The following MADD variants were observed in gnomAD, a reference collection of about 807,000 sequenced individuals.
MADD encodes the protein MAP kinase activating death domain.
Under a neutral mutation model 176.7 loss-of-function variants are expected in MADD, and 109 were observed. The observed-to-expected ratio is 0.62, with a 90% CI of 0.53 to 0.72. The LOEUF is 0.72. Ranked by LOEUF, MADD falls within the 30% of genes least tolerant of loss-of-function variation. The pLI is 0.00. For synonymous variants in MADD, 771 were observed against 771.3 expected (o/e 1.00, Z 0.01); for missense variants, 1,914 against 2,045.5 (o/e 0.94, Z 1.24).
intron 22 of MADD, among the ~76,000 whole-genome samples, chr11:47,298,574 G>A (rs2075037420): frequency 6.6e-6 from 1 of 152,084 alleles, no homozygotes; most frequent in Non-Finnish European, 1.5e-5. Flanking sequence ...TGTATATTCT[G>A]GCTATTAATC....
intron 21 of MADD, 67 bp from the exon 24 acceptor site, chr11:47,295,830 C>CT: frequency 6.4e-7 from 1 of 1,556,446 alleles, no homozygotes; most frequent in East Asian, 2.3e-5. Context: ...GCAGGGAGCT[C>CT]TAACAGCTTG....
chr11:47,324,451 A>G lies in MADD; in HGVS notation c.4436-20A>G, dbSNP rs200853891. On this transcript the variant is annotated intron_variant, in intron 29 of 32. Transcript: ENST00000402192. Reference sequence around the variant, plus strand: ...TTCCCCACCTCACCAGTGAGCTGATAGCCCCCTCCCTCACCACAGGACCTG... The same window carrying G: ...TTCCCCACCTCACCAGTGAGCTGATGGCCCCCTCCCTCACCACAGGACCTG... 7 of 1,606,066 alleles carry G rather than the reference A, an allele frequency of 4.4e-6. No homozygotes were observed. The highest frequency in any genetic ancestry group is 2.2e-5 in the East Asian group (1 of 44,832).
At chr11:47,285,488 G>T in exon 14 of MADD, 1 of 1,614,162 alleles carries the variant, frequency 6.2e-7, no homozygotes, top group Non-Finnish European at 8.5e-7. Context: ...CTTGAGACTG[G>T]CAAGTGACTC....
chr11:47,285,145 CA>C lies in MADD; in HGVS notation c.2363del (p.Gln788ArgfsTer27), dbSNP rs2059709896. ...TCCCCCTGAGGAAGATGAGGATGAGCAGGGGGAAAGTTACACTCCCCGATTC... is the reference window on the plus strand; with the variant it reads ...TCCCCCTGAGGAAGATGAGGATGAGCGGGGGAAAGTTACACTCCCCGATTC... On this transcript the variant is annotated frameshift_variant, in exon 13 of 33. Transcript: ENST00000402192. LOFTEE classifies it high-confidence loss of function. 1 of 1,614,006 alleles carries C rather than the reference CA, an allele frequency of 6.2e-7. No individual in the cohort carries two copies. Among genetic ancestry groups the C allele is most frequent in the Non-Finnish European group, 8.5e-7 (1 of 1,180,018 alleles).
At chr11:47,309,668 T>TA in intron 25 of MADD, 56 bp downstream of exon 28, 1 of 1,360,204 alleles carries the variant, frequency 7.4e-7, no homozygotes, top group Non-Finnish European at 1.1e-6. Context: ...CAAGGCTTGT[T>TA]CCTGTCGCCT....
In MADD at chr11:47,297,595, C is replaced by T. The variant is rs554633585; in HGVS notation, c.3642+1540C>T. Reference sequence around the variant, plus strand: ...CCAAGTAGCTGGGACTACGGGTGCCCGCCACCACGCCCAGCTAATTTTTTG... The same window carrying T: ...CCAAGTAGCTGGGACTACGGGTGCCTGCCACCACGCCCAGCTAATTTTTTG... On this transcript the variant is annotated intron_variant, in intron 22 of 32. Coordinates refer to ENST00000402192, the Ensembl canonical transcript of MADD. 3.5e-3 allele frequency among the ~76,000 whole-genome samples: 535 copies of T among 151,188 alleles called. 2 individuals carry two copies. Among genetic ancestry groups the T allele is most frequent in the Middle Eastern group, 6.8e-3 (2 of 294 alleles).
At chr11:47,306,121 C>G (rs1422486440) in intron 22 of MADD, among the ~76,000 whole-genome samples, 4 of 152,172 alleles carry the variant, frequency 2.6e-5, no homozygotes, top group Admixed American at 2.6e-4. Flanking sequence ...CCTGACTGCT[C>G]TGAGCAGTCT....
In MADD at chr11:47,291,519, C is replaced by T. The variant is rs2065276010; in HGVS notation, c.3301+703C>T. Among the ~76,000 whole-genome samples the T allele has an allele frequency of 2.0e-5, 3 of 152,170 alleles. No homozygotes were observed. The South Asian group carries it at 6.2e-4, about 32-fold the overall frequency. On this transcript the variant is annotated intron_variant, in intron 19 of 32. Transcript: ENST00000402192. ...TCTAGGTCCCTAGGCACTCTGCTTCCAGCTGACATCTCATTGCCATGGCCA... is the reference window on the plus strand; with the variant it reads ...TCTAGGTCCCTAGGCACTCTGCTTCTAGCTGACATCTCATTGCCATGGCCA...
In MADD at chr11:47,311,715, A is replaced by G. The variant is rs1466353909; in HGVS notation, c.3979-17A>G. 1 of 1,499,014 alleles carries G rather than the reference A, an allele frequency of 6.7e-7. No individual in the cohort carries two copies. Among genetic ancestry groups the G allele is most frequent in the East Asian group, 2.3e-5 (1 of 44,358 alleles). The allele number at this position is 1,499,014 out of a possible 1,614,324, so 92.9% of individuals were successfully genotyped here. On this transcript the variant is annotated splice_polypyrimidine_tract_variant and intron_variant, in intron 25 of 32. Coordinates refer to ENST00000402192, the Ensembl canonical transcript of MADD. ...GAGAGCAGATCCCTTGTTAAGAGTC[A>G]TGTGTTGGCTTTTCAGGTAAATAAG...
At chr11:47,286,779 C>T (rs573934433) in intron 15 of MADD, among the ~76,000 whole-genome samples, 2 of 152,164 alleles carry the variant, frequency 1.3e-5, no homozygotes, top group Non-Finnish European at 2.9e-5. Context: ...ACTGCTGCTT[C>T]GCGGGAGGAC....
chr11:47,278,573 G>GTA (rs58649852), intron 6 of MADD, among the ~76,000 whole-genome samples: 5,090 of 152,206 alleles, frequency 0.033, 118 homozygotes, highest in South Asian at 0.12. Flanking sequence ...ATTACATGTG[G>GTA]TATAGATCAT....
intron 19 of MADD, among the ~76,000 whole-genome samples, 166 bp from the exon 22 acceptor site, chr11:47,293,717 C>T (rs1006587921): frequency 1.3e-5 from 2 of 152,170 alleles, no homozygotes; most frequent in Non-Finnish European, 2.9e-5. Flanking sequence ...CTTAAGGCAT[C>T]TGGGGTCCTC....
At chr11:47,324,510 A>G (rs751187509) in exon 30 of MADD, 1 of 1,614,138 alleles carries the variant, frequency 6.2e-7, no homozygotes, top group East Asian at 2.2e-5. Flanking sequence ...CAGGACCTGA[A>G]GACTGGTGAG....
At chr11:47,302,750 AT>A (rs1004076184) in intron 22 of MADD, among the ~76,000 whole-genome samples, 3 of 151,742 alleles carry the variant, frequency 2.0e-5, no homozygotes, top group African/African-American at 7.3e-5. Flanking sequence ...ATCTATTTAC[AT>A]TCAAGGTTGT....
At chr11:47,295,974 G>C in exon 22 of MADD, 4 of 1,614,068 alleles carry the variant, frequency 2.5e-6, no homozygotes, top group South Asian at 2.2e-5. Context: ...CAGGTGGCGA[G>C]GGCAGTGTTC....
At chr11:47,309,724 G>C (rs2086449995) in intron 25 of MADD, 112 bp downstream of exon 28, 1 of 745,052 alleles carries the variant, frequency 1.3e-6, no homozygotes, top group Non-Finnish European at 2.3e-6. Context: ...TTAACTTAGG[G>C]CTATCTTCTT....
At chr11:47,285,059 G>A (rs779015544) in exon 13 of MADD, 1 of 1,614,160 alleles carries the variant, frequency 6.2e-7, no homozygotes, top group Non-Finnish European at 8.5e-7. Flanking sequence ...GCAGAAATTG[G>A]AGAGGGGTCA....
At chr11:47,276,363 G>T (rs1310350044) in intron 4 of MADD, among the ~76,000 whole-genome samples, 161 bp downstream of exon 4, 1 of 152,188 alleles carries the variant, frequency 6.6e-6, no homozygotes, top group African/African-American at 2.4e-5. Flanking sequence ...CGTAGATGTG[G>T]GTTGAATTAA....
intron 32 of MADD, 45 bp from the exon 37 acceptor site, chr11:47,329,001 G>A (rs754032730): frequency 1.7e-5 from 24 of 1,440,482 alleles, no homozygotes; most frequent in Middle Eastern, 1.7e-4. Context: ...ATATGGAGAT[G>A]GAGGAGTCTC....
Sources: gnomAD v4.1 joint callset for allele counts (sites outside exome capture counted in the v4.1 genomes callset) on GRCh38, gnomAD v4.1.1 for gene constraint, MANE v1.5 for transcripts, NCBI Gene and HGNC (gene_info 2026-07-23, HGNC 2026-07-21) for gene names.